DMBT1: variants seen among roughly 807,000 people sequenced by gnomAD.
DMBT1 encodes deleted in malignant brain tumors 1, also known as scavenger receptor cysteine-rich domain-containing protein DMBT1.
In DMBT1, 198 loss-of-function variants were observed where a neutral mutation model predicts 252.9. The ratio of observed to expected loss-of-function variants is 0.78; its 90% CI spans 0.70 to 0.88. DMBT1 has a LOEUF of 0.88. DMBT1 is among the 40% of genes least tolerant of loss of function. The pLI, the probability that DMBT1 is intolerant of heterozygous loss-of-function variation, is 0.00. For missense variants in DMBT1, 2,432 were observed against 2,404.7 expected, an observed-to-expected ratio of 1.01 and a Z score of -0.24; for synonymous variants, 990 against 942.7, an observed-to-expected ratio of 1.05 and a Z score of -0.92.
At chr10:122,630,242 G>A (rs2098150911) in intron 47 of DMBT1, 46 bp from the exon 48 acceptor site, 1 of 1,567,206 alleles carries the variant, frequency 6.4e-7, no homozygotes, top group African/African-American at 1.4e-5. Context: ...AAATGGAGGG[G>A]CAATAGGAAT....
chr10:122,576,419 C>G lies in DMBT1; in HGVS notation c.304C>G (p.Leu102Val), dbSNP rs758746677. The change falls in exon 7 of 56, where the codon CTG becomes GTG. Residue 102 changes from leucine (L) to valine (V), a missense_variant. Around this residue, in one of 3 missense-constraint regions of DMBT1, gnomAD observed 1,264 missense variants for 1,082.2 expected, o/e 1.17. Transcript: ENST00000338354. ...VAEGSDSGLA[L>V]RLVNGDGRCQ... ...TCTAGGATCTGATTCTGGTTTGGCC[C>G]TGAGGCTGGTGAATGGAGATGGCAG... 3.7e-6 allele frequency: 6 copies of G among 1,613,868 alleles called. No homozygotes were observed. In the South Asian group the frequency reaches 6.6e-5, roughly 18 times the overall value.
At chr10:122,592,914 G>C (rs1362524680) in intron 20 of DMBT1, among the ~76,000 whole-genome samples, 1 of 148,532 alleles carries the variant, frequency 6.7e-6, no homozygotes, top group Non-Finnish European at 1.5e-5. Flanking sequence ...CACTGGGTGA[G>C]GGTATCATGG....
intron 10 of DMBT1, 24 bp downstream of exon 10, chr10:122,579,925 C>T: frequency 1.2e-6 from 2 of 1,613,798 alleles, no homozygotes; most frequent in East Asian, 2.2e-5. Context: ...AACTTGGGCT[C>T]ACTCTCTTGG....
intron 2 of DMBT1, among the ~76,000 whole-genome samples, chr10:122,566,225 C>G (rs2097589888): frequency 6.6e-6 from 1 of 152,236 alleles, no homozygotes; most frequent in African/African-American, 2.4e-5. Flanking sequence ...CTCTCTGACT[C>G]TCAGTCATTT....
In DMBT1 at chr10:122,570,988, C is replaced by G. The variant is rs1407505233; in HGVS notation, c.187+51C>G. Reference sequence around the variant, plus strand: ...GTGGGCTCATTACCCCACTGCACCCCTAGGTTCATCTCTGATTCAGACGAG... The same window carrying G: ...GTGGGCTCATTACCCCACTGCACCCGTAGGTTCATCTCTGATTCAGACGAG... On this transcript the variant is annotated intron_variant, in intron 4 of 55. Coordinates refer to ENST00000338354, the MANE Select transcript of DMBT1 (RefSeq NM_001377530.1). 5 of 1,583,796 alleles carry G rather than the reference C, an allele frequency of 3.2e-6. No homozygotes were observed. In the East Asian group the frequency reaches 6.7e-5, roughly 21 times the overall value.
chr10:122,616,711 C>T (rs1374048457), intron 39 of DMBT1, among the ~76,000 whole-genome samples: 2 of 1,492 alleles, frequency 1.3e-3, no homozygotes, highest in Admixed American at 3.8e-3. Flanking sequence ...AGGGCAGGCT[C>T]GATACCCCCA....
chr10:122,567,116 C>A (rs1432491157), intron 2 of DMBT1, among the ~76,000 whole-genome samples: 1 of 152,234 alleles, frequency 6.6e-6, no homozygotes, highest in Non-Finnish European at 1.5e-5. Context: ...TTGTTGAGGT[C>A]AGTCCCTCCC....
Position 122,621,070 on chromosome 10 carries a change from T to G in DMBT1, c.5298T>G (p.Ser1766Arg), listed in dbSNP as rs1476169105. 35 of 1,613,238 alleles carry G rather than the reference T, an allele frequency of 2.2e-5. No individual in the cohort carries two copies. Among genetic ancestry groups the G allele is most frequent in the Non-Finnish European group, 2.9e-5 (34 of 1,179,722 alleles). ...LPALTVGSES[S>R]LALRLVNGGD... ...GTTCCCCTGTAGGATCTGAATCCAG[T>G]TTGGCTCTGAGGCTGGTGAATGGAG... Residue 1766 changes from serine to arginine, a missense_variant, in exon 44 of 56, where the codon AGT (serine) becomes AGG (arginine). Ser to Arg is a moderately radical substitution (Grantham distance 110). This residue lies in a region of DMBT1 where 1,162 missense variants were observed against 1,169.0 expected (regional missense o/e 0.99). Coordinates refer to ENST00000338354, the MANE Select transcript of DMBT1 (RefSeq NM_001377530.1).
At position 122,586,079 on chromosome 10, in the gene DMBT1, C is replaced by T. The variant is rs544317162; in HGVS notation, c.1479C>T (p.Ala493=). The T allele has an allele frequency of 2.5e-6, 4 of 1,588,730 alleles. No individual in the cohort carries two copies. The highest frequency in any genetic ancestry group is 2.7e-5 in the African/African-American group (2 of 74,646). ...CTGTAGGATCTGAATCCAGTTTGGC[C>T]CTGAGGCTGGTGAATGGAGGTGACA... ...ASTVGSESSL[A]LRLVNGGDRC... is the part of the protein sequence containing the mutation. The change falls in exon 16 of 56, where the codon GCC becomes GCT. Residue 493 remains alanine (A), a synonymous_variant. Transcript: ENST00000338354.
intron 52 of DMBT1, among the ~76,000 whole-genome samples, chr10:122,634,340 TTTTCTTTCTTTCTTTCTTTCTTTC>T (rs776949913): frequency 2.9e-4 from 29 of 99,964 alleles, no homozygotes; most frequent in Non-Finnish European, 4.0e-4. Flanking sequence ...CTAAAAGCAC[TTTTCTTTCTTTCTTTCTTTCTTTC>T]TTTCTTTCTT....
intron 40 of DMBT1, among the ~76,000 whole-genome samples, chr10:122,617,533 C>A (rs550793280): frequency 6.6e-6 from 1 of 151,674 alleles, no homozygotes; most frequent in East Asian, 2.0e-4. Flanking sequence ...CTCCCTAATC[C>A]TGCTGGGACC....
chr10:122,579,686 G>T lies in DMBT1; in HGVS notation c.788G>T (p.Trp263Leu), dbSNP rs1411934656. The change falls in exon 10 of 56, where the codon TGG becomes TTG. Residue 263 changes from tryptophan (W) to leucine (L), a missense_variant. Physicochemically the swap from Trp to Leu is moderately conservative, Grantham distance 61 (BLOSUM62 -2). Around this residue, in one of 3 missense-constraint regions of DMBT1, gnomAD observed 1,264 missense variants for 1,082.2 expected, o/e 1.17. Coordinates refer to ENST00000338354, the MANE Select transcript of DMBT1 (RefSeq NM_001377530.1). ...GSWGTVCDDY[W>L]DTNDANVVCR... ...TGGGGCACCGTGTGTGATGACTACT[G>T]GGACACCAATGATGCCAATGTGGTC... 6.2e-7 allele frequency: 1 copy of T among 1,613,744 alleles called. No homozygotes were observed. The highest frequency in any genetic ancestry group is 8.5e-7 in the Non-Finnish European group (1 of 1,179,804).
chr10:122,624,858 A>G (rs2098104905), intron 44 of DMBT1, among the ~76,000 whole-genome samples: 1 of 151,852 alleles, frequency 6.6e-6, no homozygotes, highest in Admixed American at 6.5e-5. Context: ...ATGGGCCTCC[A>G]AGACCTTGGG....
intron 2 of DMBT1, among the ~76,000 whole-genome samples, chr10:122,566,690 A>C (rs1377798306): frequency 6.6e-6 from 1 of 152,236 alleles, no homozygotes; most frequent in Non-Finnish European, 1.5e-5. Flanking sequence ...ACCCTGCATA[A>C]AATGATTTTC....
In DMBT1 at chr10:122,592,418, G is replaced by A. The variant is rs915057167; in HGVS notation, c.2323G>A (p.Gly775Ser). 1.3e-6 allele frequency: 2 copies of A among 1,588,498 alleles called. No individual in the cohort carries two copies. The highest frequency in any genetic ancestry group is 1.3e-5 in the African/African-American group (1 of 74,626). The change falls in exon 20 of 56, where the codon GGC (glycine) becomes AGC (serine). Residue 775 changes from glycine to serine, a missense_variant. This residue lies in a region of DMBT1 where 1,264 missense variants were observed against 1,082.2 expected (regional missense o/e 1.17). Transcript: ENST00000338354. ...TGCCAATGTGGTCTGCAGGCAGCTGGGCTGTGGCTGGGCCACGTCGGCCCC... is the reference window on the plus strand; with the variant it reads ...TGCCAATGTGGTCTGCAGGCAGCTGAGCTGTGGCTGGGCCACGTCGGCCCC... ...NDANVVCRQL[G>S]CGWATSAPGN...
In DMBT1 at chr10:122,633,347, T is replaced by A. The variant is rs764787106; in HGVS notation, c.6548+6T>A. 1.2e-6 allele frequency: 2 copies of A among 1,613,760 alleles called. No individual in the cohort carries two copies. Among genetic ancestry groups the A allele is most frequent in the South Asian group, 2.2e-5 (2 of 91,014 alleles). On this transcript the variant is annotated splice_donor_region_variant and intron_variant, in intron 52 of 55. Coordinates refer to ENST00000338354, the MANE Select transcript of DMBT1 (RefSeq NM_001377530.1). ...GTGATCTTCAGAGATGTCCAGTAAG[T>A]GTGCGCCCAGAAGAATGCCTTGGGG... is the stretch of plus-strand genomic sequence containing the variant.
intron 6 of DMBT1, 80 bp downstream of exon 6, chr10:122,573,842 C>T: frequency 6.5e-7 from 1 of 1,549,616 alleles, no homozygotes; most frequent in Non-Finnish European, 8.9e-7. Context: ...AGATGAGGTG[C>T]AGAGGGCATA....
intron 55 of DMBT1, among the ~76,000 whole-genome samples, chr10:122,641,557 C>T (rs1028611604): frequency 1.3e-5 from 2 of 152,156 alleles, no homozygotes; most frequent in Non-Finnish European, 2.9e-5. Flanking sequence ...GCAGCTTGCT[C>T]AATTCACAGC....
At position 122,592,264 on chromosome 10, in the gene DMBT1, C is replaced by T. The variant is rs982091690; in HGVS notation, c.2177-8C>T. The T allele has an allele frequency of 2.5e-6, 4 of 1,586,034 alleles. 1 individual carries two copies. Among genetic ancestry groups the T allele is most frequent in the Non-Finnish European group, 2.6e-6 (3 of 1,165,232 alleles). On this transcript the variant is annotated splice_polypyrimidine_tract_variant and splice_region_variant and intron_variant, in intron 19 of 55. Coordinates refer to ENST00000338354, the MANE Select transcript of DMBT1 (RefSeq NM_001377530.1). ...GGATGGATAAAGGGTTCTTGTGTTCCCCTGTAGGATCTGAATCCAGTTTGA... is the reference window on the plus strand; with the variant it reads ...GGATGGATAAAGGGTTCTTGTGTTCTCCTGTAGGATCTGAATCCAGTTTGA...
Sources: allele counts gnomAD v4.1 joint callset (sites outside exome capture counted in the v4.1 genomes callset), GRCh38; gene constraint gnomAD v4.1.1; regional missense constraint gnomAD v4.1.1; transcripts MANE v1.5; gene names NCBI Gene and HGNC (gene_info 2026-07-23, HGNC 2026-07-21).